Variants in OR52A5 observed in about 807,000 individuals in gnomAD.
The protein encoded by OR52A5 is olfactory receptor 52A5.
In OR52A5, 16 loss-of-function variants were observed where a neutral mutation model predicts 18.2. That is an observed-to-expected ratio of 0.88 (90% confidence interval 0.60 to 1.34). The LOEUF is 1.34. OR52A5 is among the 40% of genes most tolerant of loss of function. The pLI is 0.00. For synonymous variants in OR52A5, 140 were observed against 137.2 expected, an observed-to-expected ratio of 1.02 and a Z score of -0.14; for missense variants, 418 against 383.0, an observed-to-expected ratio of 1.09 and a Z score of -0.76.
rs752584461 is a variant in OR52A5 at position 5,132,043 on chromosome 11, T to C, written c.600A>G (p.Ile200Met). 3 of 1,614,204 alleles carry C rather than the reference T, an allele frequency of 1.9e-6. No homozygotes were observed. Among genetic ancestry groups the C allele is most frequent in the African/African-American group, 1.3e-5 (1 of 75,060 alleles). The change falls in exon 2 of 2, where the codon ATA (isoleucine) becomes ATG (methionine). Residue 200 changes from isoleucine to methionine, a missense_variant. Ile to Met is a conservative substitution (Grantham distance 10). Coordinates refer to ENST00000307388, the MANE Select transcript of OR52A5 (RefSeq NM_001005160.3). ...LATEDIRVNKIYGLFVAFAIL... is the reference protein window; with the variant it reads ...LATEDIRVNKMYGLFVAFAIL... Reference sequence around the variant, plus strand: ...TTGCAAAGGCAACAAATAGGCCATATATCTTGTTGACTCGGATATCTTCAG... The same window carrying C: ...TTGCAAAGGCAACAAATAGGCCATACATCTTGTTGACTCGGATATCTTCAG...
At chr11:5,133,265 G>A (rs1291358129) in intron 1 of OR52A5, among the ~76,000 whole-genome samples, 2 of 151,214 alleles carry the variant, frequency 1.3e-5, no homozygotes, top group Non-Finnish European at 2.9e-5. Context: ...CTACTTGGGA[G>A]GCTGAGGCAG....
chr11:5,133,710 C>G (rs1307253051), intron 1 of OR52A5, among the ~76,000 whole-genome samples: 1 of 152,190 alleles, frequency 6.6e-6, no homozygotes, highest in East Asian at 1.9e-4. Flanking sequence ...CAGCCATGTG[C>G]ACATCTCTTG....
At position 5,132,484 on chromosome 11, in the gene OR52A5, A is replaced by G. The variant is rs746510657; in HGVS notation, c.159T>C (p.Tyr53=). The G allele has an allele frequency of 5.0e-6, 8 of 1,614,174 alleles. No homozygotes were observed. The highest frequency in any genetic ancestry group is 1.6e-4 in the Middle Eastern group (1 of 6,062). The part of the protein sequence containing the change: ...GNSLILVIIK[Y]ENSLHIPMYI... ...ACATGGGTATATGGAGGCTGTTTTC[A>G]TATTTGATTATAACTAAAATTAGGG... Residue 53 remains tyrosine (Y), a synonymous_variant, in exon 2 of 2, where the codon TAT becomes TAC. Transcript: ENST00000307388.
In OR52A5 at chr11:5,132,635, G is replaced by A. The variant is rs1207350360; in HGVS notation, c.8C>T (p.Thr3Ile). 1.9e-6 allele frequency: 3 copies of A among 1,586,330 alleles called. No homozygotes were observed. Among genetic ancestry groups the A allele is most frequent in the East Asian group, 2.2e-5 (1 of 44,566 alleles). The change falls in exon 2 of 2, where the codon ACA (threonine) becomes ATA (isoleucine). Residue 3 changes from threonine to isoleucine, a missense_variant. Coordinates refer to ENST00000307388, the MANE Select transcript of OR52A5 (RefSeq NM_001005160.3). MPTFNGSVFMPSA... is the reference protein window; with the variant it reads MPIFNGSVFMPSA... ...GGGCATGAAGACTGAGCCATTGAAT[G>A]TCGGCATGATTTGTTCATCAGAATC...
At chr11:5,136,259 T>A (rs1846391846) in intron 1 of OR52A5, among the ~76,000 whole-genome samples, 3 of 152,174 alleles carry the variant, frequency 2.0e-5, no homozygotes. Context: ...ATAATGACCT[T>A]TCTTCTGGAT....
chr11:5,136,208 G>C (rs1051086860), intron 1 of OR52A5, among the ~76,000 whole-genome samples: 3 of 152,128 alleles, frequency 2.0e-5, no homozygotes, highest in African/African-American at 7.2e-5. Context: ...AAAAAGAAAA[G>C]CAAGCCTTCA....
At chr11:5,137,361 CTAAG>C (rs1157188922) in intron 1 of OR52A5, among the ~76,000 whole-genome samples, 1 of 152,192 alleles carries the variant, frequency 6.6e-6, no homozygotes, top group Non-Finnish European at 1.5e-5. Context: ...TCTGAAACTA[CTAAG>C]TGATTTAGGA....
At chr11:5,133,351 G>A (rs1337247567) in intron 1 of OR52A5, among the ~76,000 whole-genome samples, 1 of 111,650 alleles carries the variant, frequency 9.0e-6, no homozygotes, top group Admixed American at 1.2e-4. Flanking sequence ...CTGGACGACA[G>A]AGCGAGACTG....
At chr11:5,133,363 C>CA (rs745895019) in intron 1 of OR52A5, among the ~76,000 whole-genome samples, 13,456 of 62,408 alleles carry the variant, frequency 0.22, 1,447 homozygotes, top group East Asian at 0.31. Flanking sequence ...GCGAGACTGT[C>CA]AAAAAAAAAA....
chr11:5,132,765 T>C (rs1404537983), intron 1 of OR52A5, 63 bp from the exon 2 acceptor site: 1 of 603,222 alleles, frequency 1.7e-6, no homozygotes, highest in East Asian at 2.8e-5. Flanking sequence ...GTAGTTATTT[T>C]AGGAGTGTAT....
At chr11:5,135,395 C>T (rs1052714905) in intron 1 of OR52A5, among the ~76,000 whole-genome samples, 2 of 152,072 alleles carry the variant, frequency 1.3e-5, no homozygotes, top group African/African-American at 4.8e-5. Flanking sequence ...TGATATATGT[C>T]CACTTCTTGA....
At chr11:5,137,580 T>C (rs1435830670) in intron 1 of OR52A5, among the ~76,000 whole-genome samples, 1 of 152,016 alleles carries the variant, frequency 6.6e-6, no homozygotes, top group African/African-American at 2.4e-5. Flanking sequence ...AACGAGGTCT[T>C]CTTTATATAG....
chr11:5,135,876 A>T (rs1398182672), intron 1 of OR52A5, among the ~76,000 whole-genome samples: 1 of 152,228 alleles, frequency 6.6e-6, no homozygotes, highest in East Asian at 1.9e-4. Flanking sequence ...TGTTCTCAGG[A>T]CCTCCTGAGC....
rs74051334 is a variant in OR52A5, at chr11:5,133,922, A to G, written c.-60-1220T>C. ...TATCTACTCAAATACAATTATTTAT[A>G]TAAAGGTGAAGATTTTCTTTGGCAC... On this transcript the variant is annotated intron_variant, in intron 1 of 1. Coordinates refer to ENST00000307388, the MANE Select transcript of OR52A5 (RefSeq NM_001005160.3). 5.4e-3 allele frequency among the ~76,000 whole-genome samples: 825 copies of G among 152,290 alleles called. 9 individuals are homozygous for G. The highest frequency in any genetic ancestry group is 0.019 in the African/African-American group (789 of 41,546).
chr11:5,131,504 A>AT lies in OR52A5; in HGVS notation c.*187dup, dbSNP rs1210720150. The stretch of plus-strand genomic sequence containing the variant: ...TTGATAAGTATTTCAGATAAAGTAA[A>AT]TAAGACACAGATAAATGATTCCAAA... On this transcript the variant is annotated 3_prime_UTR_variant, in exon 2 of 2. Coordinates refer to ENST00000307388, the MANE Select transcript of OR52A5 (RefSeq NM_001005160.3). 1 of 432,352 alleles carries AT rather than the reference A, an allele frequency of 2.3e-6. No homozygotes were observed. Among genetic ancestry groups the AT allele is most frequent in the Non-Finnish European group, 4.2e-6 (1 of 240,534 alleles). The allele number at this position is 432,352 out of a possible 1,614,324, so 26.8% of individuals were successfully genotyped here. A position where few individuals can be genotyped will look rare whatever the true frequency, so the allele number is the denominator to read the frequency against.
rs1447706454 is a variant in OR52A5, at chr11:5,132,389, C to T, written c.254G>A (p.Gly85Asp). The change falls in exon 2 of 2, where the codon GGC (glycine) becomes GAC (aspartate). Residue 85 changes from glycine (G) to aspartate (D), a missense_variant. Gly to Asp is a moderately conservative substitution (Grantham distance 94, BLOSUM62 -1). Coordinates refer to ENST00000307388, the MANE Select transcript of OR52A5 (RefSeq NM_001005160.3). ...CTCTGGCAAATGAAACCAGAAGATG[C>T]CTAACATTTTGGGAAGAATGCAGGT... Reference protein sequence around the residue: ...LNTCILPKMLGIFWFHLPEIS... With the variant: ...LNTCILPKMLDIFWFHLPEIS... 5 of 1,614,016 alleles carry T rather than the reference C, an allele frequency of 3.1e-6. No homozygotes were observed. The highest frequency in any genetic ancestry group is 3.3e-5 in the Admixed American group (2 of 60,002).
chr11:5,138,146 AG>A (rs1429816750), intron 1 of OR52A5, 164 bp downstream of exon 1: 1 of 152,228 alleles, frequency 6.6e-6, no homozygotes, highest in African/African-American at 2.4e-5. Context: ...GAAAAGCATG[AG>A]ATACCATGAG....
rs139029637 is a variant in OR52A5 at position 5,131,785 on chromosome 11, G to A, written c.858C>T (p.Val286=). 5.6e-6 allele frequency: 9 copies of A among 1,613,912 alleles called. No individual in the cohort carries two copies. In the East Asian group the frequency reaches 1.6e-4, roughly 28 times the overall value. Reference sequence around the variant, plus strand: ...AGACAATAGGGTTGAGAAAAGGTGGGACTAACAGGTAAAGATTTGACAAGA... The same window carrying A: ...AGACAATAGGGTTGAGAAAAGGTGGAACTAACAGGTAAAGATTTGACAAGA... The part of the protein sequence containing the change: ...HILLSNLYLL[V]PPFLNPIVYG... The change falls in exon 2 of 2, where the codon GTC becomes GTT. Residue 286 remains valine (V), a synonymous_variant. Transcript: ENST00000307388.
Position 5,129,726 on chromosome 11 carries a change from T to C in OR52A5, c.*1966A>G, listed in dbSNP as rs1056169410. The C allele has an allele frequency of 6.6e-6, 1 of 152,116 alleles. No homozygotes were observed. The highest frequency in any genetic ancestry group is 1.5e-5 in the Non-Finnish European group (1 of 68,022). 9.4% of individuals were successfully genotyped at this position (152,116 alleles called of 1,614,324 possible). On this transcript the variant is annotated 3_prime_UTR_variant, in exon 2 of 2. Transcript: ENST00000307388. Reference sequence around the variant, plus strand: ...GTAATATGAACCCAGATCTTCAGCATGGAACAAATTTGACCTGTAAAGAAG... The same window carrying C: ...GTAATATGAACCCAGATCTTCAGCACGGAACAAATTTGACCTGTAAAGAAG...
Sources: gnomAD v4.1 joint callset for allele counts (sites outside exome capture counted in the v4.1 genomes callset) on GRCh38, gnomAD v4.1.1 for gene constraint, MANE v1.5 for transcripts, NCBI Gene and HGNC (gene_info 2026-07-23, HGNC 2026-07-21) for gene names.